The following ZFHX3 variants were observed in gnomAD, a reference collection of about 807,000 sequenced individuals.
ZFHX3 encodes zinc finger homeobox 3.
Under a neutral mutation model 279.1 loss-of-function variants are expected in ZFHX3, and 42 were observed. The observed-to-expected ratio is 0.15, with a 90% CI of 0.12 to 0.19. ZFHX3 has a LOEUF of 0.19. Ranked by LOEUF, ZFHX3 falls within the 10% of genes least tolerant of loss-of-function variation. The pLI is 1.00. For missense variants in ZFHX3, 4,981 were observed against 4,754.0 expected, an observed-to-expected ratio of 1.05 and a Z score of -1.40; for synonymous variants, 2,293 against 1,957.8, an observed-to-expected ratio of 1.17 and a Z score of -4.52.
chr16:72,786,091 C>CAAGA lies in ZFHX3; in HGVS notation c.*1069_*1072dup, dbSNP rs2035357139. On this transcript the variant is annotated 3_prime_UTR_variant, in exon 10 of 10. Coordinates refer to ENST00000268489, the MANE Select transcript of ZFHX3 (RefSeq NM_006885.4). ...GGAAAGAGAAAGTGGAATTAAGGGACAAGAAAGAGAAAGTGGAATTAAGGG... is the reference window on the plus strand; with the variant it reads ...GGAAAGAGAAAGTGGAATTAAGGGACAAGAAAGAAAGAGAAAGTGGAATTAAGGG... 6.6e-6 allele frequency: 1 copy of CAAGA among 151,824 alleles called. No homozygotes were observed. The highest frequency in any genetic ancestry group is 2.4e-5 in the African/African-American group (1 of 41,380). 9.4% of individuals were successfully genotyped at this position (151,824 alleles called of 1,614,324 possible).
At position 73,480,647 on chromosome 16, in the gene ZFHX3, A is replaced by G. The variant is rs188822892; in HGVS notation, c.-1546-24389T>C. Among the ~76,000 whole-genome samples the G allele has an allele frequency of 6.2e-3, 942 of 152,280 alleles. 7 individuals carry two copies. Among genetic ancestry groups the G allele is most frequent in the Middle Eastern group, 6.8e-3 (2 of 294 alleles). On this transcript the variant is annotated intron_variant, in intron 2 of 17. Transcript: ENST00000641206. ...ATCCTGTTTCCCCACAGCAGGATGC[A>G]TGGTGGCCTTCTAAACGGCCACTCT...
At chr16:72,923,979 C>A (rs1317577556) in intron 3 of ZFHX3, among the ~76,000 whole-genome samples, 1 of 152,154 alleles carries the variant, frequency 6.6e-6, no homozygotes, top group South Asian at 2.1e-4. Context: ...TCACAGATGG[C>A]GAATTCACAA....
chr16:73,259,443 A>C (rs1597248710), intron 4 of ZFHX3, among the ~76,000 whole-genome samples: 1 of 152,222 alleles, frequency 6.6e-6, no homozygotes, highest in East Asian at 1.9e-4. Flanking sequence ...CACTACTCTT[A>C]CTGTCTACGC....
chr16:73,462,187 T>G (rs993176112), intron 2 of ZFHX3, among the ~76,000 whole-genome samples: 4 of 152,304 alleles, frequency 2.6e-5, no homozygotes, highest in Non-Finnish European at 5.9e-5. Flanking sequence ...TGCAATTGCT[T>G]TTGTGTAAGT....
At chr16:72,993,497 A>G (rs951044057) in intron 1 of ZFHX3, among the ~76,000 whole-genome samples, 1 of 152,170 alleles carries the variant, frequency 6.6e-6, no homozygotes, top group Non-Finnish European at 1.5e-5. Flanking sequence ...TGCCCTCCTC[A>G]TGACTCTAAA....
intron 1 of ZFHX3, among the ~76,000 whole-genome samples, chr16:73,782,337 CTG>C (rs1406351597): frequency 6.6e-6 from 1 of 152,194 alleles, no homozygotes; most frequent in African/African-American, 2.4e-5. Flanking sequence ...TTTGGAGAAT[CTG>C]TCAAAAGTTA....
intron 4 of ZFHX3, among the ~76,000 whole-genome samples, chr16:73,298,277 C>T (rs1280357613): frequency 6.6e-6 from 1 of 151,566 alleles, no homozygotes. Flanking sequence ...CCGCCCCTCC[C>T]AGGTTCAAGC....
At chr16:73,381,334 G>A (rs1047887634) in intron 3 of ZFHX3, among the ~76,000 whole-genome samples, 15 of 151,960 alleles carry the variant, frequency 9.9e-5, no homozygotes, top group Admixed American at 6.6e-4. Context: ...CTTTTGGTAG[G>A]GTAATTTCAT....
At chr16:73,667,269 C>T (rs1286119115) in intron 2 of ZFHX3, among the ~76,000 whole-genome samples, 1 of 152,138 alleles carries the variant, frequency 6.6e-6, no homozygotes, top group Admixed American at 6.5e-5. Flanking sequence ...TGATTACAGG[C>T]GTGAGCCACC....
intron 7 of ZFHX3, among the ~76,000 whole-genome samples, chr16:73,108,275 AGT>A (rs948591453): frequency 2.6e-5 from 4 of 151,982 alleles, no homozygotes; most frequent in African/African-American, 9.7e-5. Flanking sequence ...TTGAGGCTGC[AGT>A]GAGTGGTGAT....
At chr16:73,682,436 T>C (rs191341178) in intron 1 of ZFHX3, among the ~76,000 whole-genome samples, 175 of 152,196 alleles carry the variant, frequency 1.1e-3, no homozygotes, top group Admixed American at 3.7e-3. Flanking sequence ...TCCCTTGAAA[T>C]GGTCAAGAAT....
intron 1 of ZFHX3, among the ~76,000 whole-genome samples, chr16:73,025,419 T>C (rs1470128961): frequency 6.6e-6 from 1 of 152,232 alleles, no homozygotes; most frequent in Non-Finnish European, 1.5e-5. Flanking sequence ...AAATTGCTAT[T>C]GGCTTCTCAA....
intron 5 of ZFHX3, among the ~76,000 whole-genome samples, chr16:73,202,554 A>G (rs997214981): frequency 5.3e-5 from 8 of 152,196 alleles, no homozygotes; most frequent in East Asian, 3.9e-4. Flanking sequence ...CGAAATGACT[A>G]CACTGTAATG....
At chr16:73,693,504 G>C (rs547020872) in intron 1 of ZFHX3, among the ~76,000 whole-genome samples, 69 of 151,962 alleles carry the variant, frequency 4.5e-4, no homozygotes, top group African/African-American at 1.6e-3. Flanking sequence ...CAGCACCGCG[G>C]CAGGCAAGAA....
chr16:73,579,963 T>A (rs58715297), intron 2 of ZFHX3, among the ~76,000 whole-genome samples: 1 of 147,392 alleles, frequency 6.8e-6, no homozygotes, highest in Admixed American at 6.8e-5. Context: ...TAATGTATTA[T>A]AATATATAAT....
At chr16:73,442,653 G>A (rs919575405) in intron 3 of ZFHX3, among the ~76,000 whole-genome samples, 2 of 152,158 alleles carry the variant, frequency 1.3e-5, no homozygotes, top group African/African-American at 4.8e-5. Flanking sequence ...AAAGAGACCT[G>A]TTTCTTCAGG....
At chr16:72,811,531 T>G (rs1336120420) in intron 7 of ZFHX3, 46 bp downstream of exon 7, 1 of 1,506,128 alleles carries the variant, frequency 6.6e-7, no homozygotes. Context: ...TGCATCACCT[T>G]TGACCCTGGA....
At chr16:73,868,251 G>A (rs983895555) in intron 1 of ZFHX3, among the ~76,000 whole-genome samples, 3 of 152,218 alleles carry the variant, frequency 2.0e-5, no homozygotes, top group Admixed American at 6.5e-5. Flanking sequence ...GGCCAAGTGG[G>A]GTGGCTCACG....
chr16:72,846,746 G>C (rs1567545301), intron 4 of ZFHX3, among the ~76,000 whole-genome samples: 1 of 152,310 alleles, frequency 6.6e-6, no homozygotes, highest in Non-Finnish European at 1.5e-5. Context: ...CAATATATCA[G>C]TGCAGATACG....
Sources: allele counts gnomAD v4.1 joint callset (sites outside exome capture counted in the v4.1 genomes callset), GRCh38; gene constraint gnomAD v4.1.1; transcripts MANE v1.5; gene names NCBI Gene and HGNC (gene_info 2026-07-23, HGNC 2026-07-21).